PDE1C: variants seen among roughly 807,000 people sequenced by gnomAD.
The protein encoded by PDE1C is dual specificity calcium/calmodulin-dependent 3',5'-cyclic nucleotide phosphodiesterase 1C.
A neutral mutation model predicts 93.1 loss-of-function variants in PDE1C; 62 were observed. The ratio of observed to expected loss-of-function variants is 0.67; its 90% confidence interval spans 0.54 to 0.82. The LOEUF (loss-of-function observed/expected upper bound fraction) is 0.82. Among genes scored for constraint, PDE1C ranks in the 40% least tolerant of loss-of-function variants. PDE1C has a pLI of 0.00. For missense variants in PDE1C, 742 were observed against 884.6 expected, an observed-to-expected ratio of 0.84 and a Z score of 2.04; for synonymous variants, 325 against 310.1, an observed-to-expected ratio of 1.05 and a Z score of -0.50.
chr7:32,294,773 A>G (rs1181452995), intron 1 of PDE1C, among the ~76,000 whole-genome samples: 1 of 152,200 alleles, frequency 6.6e-6, no homozygotes, highest in African/African-American at 2.4e-5. Flanking sequence ...TTCACTTCAT[A>G]TGCAAATGCT....
chr7:31,659,138 T>C, the PDE1C span, among the ~76,000 whole-genome samples: 5 of 152,218 alleles, frequency 3.3e-5, no homozygotes, highest in Non-Finnish European at 5.9e-5. Flanking sequence ...TCTCTATCCC[T>C]GAAACCAAGT....
At chr7:31,928,621 C>A (rs1803723595) in intron 2 of PDE1C, among the ~76,000 whole-genome samples, 1 of 152,076 alleles carries the variant, frequency 6.6e-6, no homozygotes, top group African/African-American at 2.4e-5. Flanking sequence ...AGAGTGGGGG[C>A]CAATATTCAA....
intron 1 of PDE1C, among the ~76,000 whole-genome samples, chr7:32,055,349 T>C (rs910973592): frequency 6.6e-6 from 1 of 152,118 alleles, no homozygotes; most frequent in African/African-American, 2.4e-5. Flanking sequence ...TTACACAAGT[T>C]AACTCACTTA....
At chr7:32,109,293 C>T (rs1798516585) in intron 3 of PDE1C, among the ~76,000 whole-genome samples, 1 of 152,056 alleles carries the variant, frequency 6.6e-6, no homozygotes, top group African/African-American at 2.4e-5. Flanking sequence ...ATAACATAGG[C>T]TTTAATAATC....
intron 9 of PDE1C, among the ~76,000 whole-genome samples, chr7:31,847,688 TA>T (rs1352930897): frequency 1.3e-5 from 2 of 152,054 alleles, no homozygotes; most frequent in Non-Finnish European, 2.9e-5. Flanking sequence ...AATTCATCAA[TA>T]AAAAGCAATG....
chr7:32,421,112 G>T (rs62458065), intron 1 of PDE1C, among the ~76,000 whole-genome samples: 28,094 of 144,402 alleles, frequency 0.19, 2,754 homozygotes, highest in East Asian at 0.31. Flanking sequence ...CACACACACA[G>T]CACTAGGTTG....
At chr7:32,342,723 T>C (rs1411661228) in intron 1 of PDE1C, among the ~76,000 whole-genome samples, 2 of 152,198 alleles carry the variant, frequency 1.3e-5, no homozygotes, top group African/African-American at 4.8e-5. Context: ...GGCCTCTTTG[T>C]ACCTTACTTT....
intron 3 of PDE1C, among the ~76,000 whole-genome samples, chr7:32,147,374 G>A (rs991879076): frequency 2.0e-5 from 3 of 152,026 alleles, no homozygotes; most frequent in Non-Finnish European, 2.9e-5. Context: ...TAAAATGTTT[G>A]TCTTTGGGAA....
the PDE1C span, among the ~76,000 whole-genome samples, chr7:31,733,989 G>A: frequency 2.0e-5 from 3 of 147,738 alleles, no homozygotes; most frequent in African/African-American, 4.9e-5. Context: ...GGGCAACAGA[G>A]TGAGACTCTG....
At chr7:31,908,457 A>G (rs1174736100) in intron 2 of PDE1C, among the ~76,000 whole-genome samples, 1 of 152,054 alleles carries the variant, frequency 6.6e-6, no homozygotes, top group Non-Finnish European at 1.5e-5. Context: ...CACACATCCC[A>G]CCACTGCAGG....
chr7:32,083,194 C>A (rs561866437), intron 3 of PDE1C, among the ~76,000 whole-genome samples: 2 of 151,916 alleles, frequency 1.3e-5, no homozygotes, highest in Non-Finnish European at 2.9e-5. Context: ...TTGAGAACTA[C>A]GTGAAGAATG....
chr7:32,400,777 C>G (rs1784926324), intron 1 of PDE1C, among the ~76,000 whole-genome samples: 1 of 152,232 alleles, frequency 6.6e-6, no homozygotes, highest in Admixed American at 6.5e-5. Flanking sequence ...AACAGTGACA[C>G]TGTGACACAC....
intron 2 of PDE1C, among the ~76,000 whole-genome samples, chr7:31,887,274 A>G (rs1204694451): frequency 3.9e-5 from 6 of 152,196 alleles, no homozygotes. Context: ...CATTGAGTGA[A>G]CATCAAACCA....
chr7:32,222,411 C>T (rs1806938849), intron 1 of PDE1C, among the ~76,000 whole-genome samples: 1 of 152,174 alleles, frequency 6.6e-6, no homozygotes, highest in Admixed American at 6.5e-5. Flanking sequence ...GGGCCTGGCA[C>T]ACTTGAGCTG....
intron 7 of PDE1C, among the ~76,000 whole-genome samples, chr7:31,862,336 T>C (rs1196508025): frequency 1.3e-5 from 2 of 150,982 alleles, no homozygotes; most frequent in African/African-American, 4.8e-5. Context: ...ACTTGTCCAT[T>C]ATCTTAGTCC....
intron 2 of PDE1C, among the ~76,000 whole-genome samples, chr7:31,949,921 T>G (rs1584140208): frequency 6.6e-6 from 1 of 152,340 alleles, no homozygotes; most frequent in Admixed American, 6.5e-5. Flanking sequence ...TCTTTTTTTC[T>G]GATTAGCTGG....
At chr7:31,915,502 T>C (rs951777125) in intron 2 of PDE1C, among the ~76,000 whole-genome samples, 3 of 152,246 alleles carry the variant, frequency 2.0e-5, no homozygotes, top group Non-Finnish European at 2.9e-5. Context: ...CCTAGACTGA[T>C]GCTACTTAAG....
chr7:31,808,711 A>C (rs1394629695), intron 16 of PDE1C, among the ~76,000 whole-genome samples: 2 of 152,056 alleles, frequency 1.3e-5, no homozygotes, highest in East Asian at 3.9e-4. Flanking sequence ...TTAGCAGTAT[A>C]TGATACTCCA....
At chr7:32,166,363 T>C (rs191818638) in intron 3 of PDE1C, among the ~76,000 whole-genome samples, 1 of 152,272 alleles carries the variant, frequency 6.6e-6, no homozygotes, top group African/African-American at 2.4e-5. Flanking sequence ...CTAAAGCCCT[T>C]GGTACAACTG....
Sources: allele counts gnomAD v4.1 joint callset (sites outside exome capture counted in the v4.1 genomes callset), GRCh38; gene constraint gnomAD v4.1.1; transcripts MANE v1.5; gene names NCBI Gene and HGNC (gene_info 2026-07-23, HGNC 2026-07-21).